Variants in GPRIN3 observed in about 807,000 individuals in gnomAD.
GPRIN3 encodes GPRIN family member 3.
GPRIN3 carries 12 observed loss-of-function variants against 13.7 expected under a neutral mutation model. The ratio of observed to expected loss-of-function variants is 0.87; its 90% confidence interval spans 0.56 to 1.42. The LOEUF (loss-of-function observed/expected upper bound fraction) is 1.42. GPRIN3 is among the 40% of genes most tolerant of loss of function. GPRIN3 has a pLI of 0.00. For synonymous variants in GPRIN3, 377 were observed against 372.7 expected, an observed-to-expected ratio of 1.01 and a Z score of -0.13; for missense variants, 1,009 against 958.7, an observed-to-expected ratio of 1.05 and a Z score of -0.69.
At chr4:89,276,094 C>T (rs973705844) in intron 1 of GPRIN3, among the ~76,000 whole-genome samples, 1 of 152,178 alleles carries the variant, frequency 6.6e-6, no homozygotes, top group Non-Finnish European at 1.5e-5. Context: ...GAGCCCAGAG[C>T]CCATCTTGTC....
At chr4:89,302,969 G>T (rs1229521358) in intron 1 of GPRIN3, among the ~76,000 whole-genome samples, 1 of 151,906 alleles carries the variant, frequency 6.6e-6, no homozygotes. Context: ...TTAAGGTATA[G>T]CTTCATTTAA....
At chr4:89,291,108 C>T (rs560599915) in intron 1 of GPRIN3, among the ~76,000 whole-genome samples, 1 of 152,238 alleles carries the variant, frequency 6.6e-6, no homozygotes, top group South Asian at 2.1e-4. Flanking sequence ...TTAACATCTC[C>T]TCCATAGCCT....
chr4:89,307,306 A>G (rs779912994), intron 1 of GPRIN3, among the ~76,000 whole-genome samples: 10 of 148,830 alleles, frequency 6.7e-5, no homozygotes, highest in Non-Finnish European at 1.0e-4. Flanking sequence ...CACCCCTCAT[A>G]TTCGGATATT....
chr4:89,292,523 C>T (rs576144706), intron 1 of GPRIN3, among the ~76,000 whole-genome samples: 1 of 152,168 alleles, frequency 6.6e-6, no homozygotes, highest in Admixed American at 6.5e-5. Context: ...ACAGAGGGGA[C>T]CTGATCTGTA....
At chr4:89,284,633 T>A (rs10020511) in intron 1 of GPRIN3, among the ~76,000 whole-genome samples, 2 of 152,164 alleles carry the variant, frequency 1.3e-5, no homozygotes, top group African/African-American at 4.8e-5. Flanking sequence ...CAGGTCTACC[T>A]TCCAAGTCCA....
Position 89,247,725 on chromosome 4 carries a change from A to G in GPRIN3, c.*55T>C. On this transcript the variant is annotated 3_prime_UTR_variant, in exon 2 of 2. Transcript: ENST00000609438. ...AAAAACTAAGCAAGCTTTGACATAG[A>G]GGGACGCATGTGAATACCGTAAATT... is the stretch of plus-strand genomic sequence containing the variant. 6 of 1,508,682 alleles carry G rather than the reference A, an allele frequency of 4.0e-6. No homozygotes were observed. The highest frequency in any genetic ancestry group is 2.3e-5 in the East Asian group (1 of 43,962). 93.5% of individuals were successfully genotyped at this position (1,508,682 alleles called of 1,614,324 possible). A position where few individuals can be genotyped will look rare whatever the true frequency, so the allele number is the denominator to read the frequency against.
intron 1 of GPRIN3, among the ~76,000 whole-genome samples, chr4:89,283,299 C>T (rs1724306402): frequency 6.6e-6 from 1 of 152,220 alleles, no homozygotes; most frequent in Non-Finnish European, 1.5e-5. Flanking sequence ...GGCTCAATTC[C>T]TGCCTTCAGA....
Position 89,238,805 on chromosome 4 carries a change from C to T in GPRIN3, c.*8975G>A, listed in dbSNP as rs895760287. ...TTCTGCACATTCATGGTTAAAAGAACGATTTCAATAGCAGTGGAAACAATA... is the reference window on the plus strand; with the variant it reads ...TTCTGCACATTCATGGTTAAAAGAATGATTTCAATAGCAGTGGAAACAATA... On this transcript the variant is annotated 3_prime_UTR_variant, in exon 2 of 2. Coordinates refer to ENST00000609438, the MANE Select transcript of GPRIN3 (RefSeq NM_198281.3). 7 of 151,906 alleles carry T rather than the reference C, an allele frequency of 4.6e-5. No homozygotes were observed. Among genetic ancestry groups the T allele is most frequent in the African/African-American group, 1.5e-4 (6 of 41,312 alleles). The allele number at this position is 151,906 out of a possible 1,614,324, so 9.4% of individuals were successfully genotyped here. A position where few individuals can be genotyped will look rare whatever the true frequency, so the allele number is the denominator to read the frequency against.
intron 1 of GPRIN3, among the ~76,000 whole-genome samples, chr4:89,302,762 G>A (rs1312375946): frequency 6.6e-6 from 1 of 152,062 alleles, no homozygotes; most frequent in African/African-American, 2.4e-5. Context: ...GACTCTAAAT[G>A]TTTTTGTTAT....
chr4:89,249,191 C>T lies in GPRIN3; in HGVS notation c.920G>A (p.Ser307Asn), dbSNP rs747478373. ...CCTGCTGGGAACTTCCTTGATTTCA[C>T]TTTCAGCTTGGTTGGTCATCGTACT... The part of the protein sequence containing the change: ...EASTMTNQAE[S>N]EIKEVPSRAW... Residue 307 changes from serine to asparagine, a missense_variant, in exon 2 of 2, where the codon AGT becomes AAT. Transcript: ENST00000609438. The T allele has an allele frequency of 6.2e-7, 1 of 1,614,200 alleles. No homozygotes were observed. Among genetic ancestry groups the T allele is most frequent in the Non-Finnish European group, 8.5e-7 (1 of 1,180,032 alleles).
chr4:89,264,626 C>T (rs556273577), intron 1 of GPRIN3, among the ~76,000 whole-genome samples: 1 of 152,106 alleles, frequency 6.6e-6, no homozygotes, highest in East Asian at 1.9e-4. Flanking sequence ...AGAATGGCAG[C>T]TGGAGCCAAG....
rs1234283419 is a variant in GPRIN3, at chr4:89,295,209, ACATTATG to A, written c.-124+12399_-124+12405del. On this transcript the variant is annotated intron_variant, in intron 1 of 1. Transcript: ENST00000609438. ...AGACCCCCCTTTTTTCCATTCTCAC[ACATTATG>A]CACTTATATTTACAGCAACACACAT... Among the ~76,000 whole-genome samples, 7 of 152,264 alleles carry A rather than the reference ACATTATG, an allele frequency of 4.6e-5. No homozygotes were observed. In the East Asian group the frequency reaches 1.4e-3, roughly 29 times the overall value.
In GPRIN3 at chr4:89,288,929, A is replaced by C. The variant is rs557148250; in HGVS notation, c.-124+18686T>G. Among the ~76,000 whole-genome samples the C allele has an allele frequency of 7.2e-5, 11 of 152,220 alleles. No homozygotes were observed. The East Asian group carries it at 2.1e-3, about 29-fold the overall frequency. The stretch of plus-strand genomic sequence containing the variant: ...TTAGTTTTTCAGTTTTAAGATCAAG[A>C]AACAGAATTTTATTCTTCATCTACC... On this transcript the variant is annotated intron_variant, in intron 1 of 1. Transcript: ENST00000609438.
Position 89,299,901 on chromosome 4 carries a change from A to G in GPRIN3, c.-124+7714T>C, listed in dbSNP as rs536891718. Among the ~76,000 whole-genome samples the G allele has an allele frequency of 4.6e-5, 7 of 152,308 alleles. No individual in the cohort carries two copies. In the South Asian group the frequency reaches 1.0e-3, roughly 23 times the overall value. On this transcript the variant is annotated intron_variant, in intron 1 of 1. Coordinates refer to ENST00000609438, the MANE Select transcript of GPRIN3 (RefSeq NM_198281.3). ...ATTTAAAAATACATAAAGCAATCCA[A>G]TGTGAGATCTCAGTCATTGGTCTTT... is the stretch of plus-strand genomic sequence containing the variant.
chr4:89,299,580 T>C (rs1373079143), intron 1 of GPRIN3, among the ~76,000 whole-genome samples: 1 of 152,078 alleles, frequency 6.6e-6, no homozygotes, highest in Non-Finnish European at 1.5e-5. Context: ...TTTTTAGCCA[T>C]AGTAACGGAG....
intron 1 of GPRIN3, among the ~76,000 whole-genome samples, chr4:89,289,102 C>T (rs1724501905): frequency 6.7e-6 from 1 of 149,484 alleles, no homozygotes; most frequent in Non-Finnish European, 1.5e-5. Flanking sequence ...ACTGAAAATT[C>T]TCTCCTTCAG....
chr4:89,303,353 GA>G (rs1268591213), intron 1 of GPRIN3, among the ~76,000 whole-genome samples: 2 of 152,036 alleles, frequency 1.3e-5, no homozygotes, highest in Admixed American at 6.6e-5. Flanking sequence ...TCTGAGAAAT[GA>G]AATAATCACG....
chr4:89,296,570 G>A (rs1480458889), intron 1 of GPRIN3, among the ~76,000 whole-genome samples: 4 of 152,038 alleles, frequency 2.6e-5, no homozygotes, highest in African/African-American at 7.2e-5. Context: ...CATCAATCAC[G>A]GAAACACTAG....
At chr4:89,261,955 T>TAC (rs544004575) in intron 1 of GPRIN3, among the ~76,000 whole-genome samples, 65 of 150,858 alleles carry the variant, frequency 4.3e-4, no homozygotes, top group South Asian at 1.5e-3. Context: ...CTACTAAAAA[T>TAC]ACACACACAC....
Sources: gnomAD v4.1 joint callset for allele counts (sites outside exome capture counted in the v4.1 genomes callset) on GRCh38, gnomAD v4.1.1 for gene constraint, MANE v1.5 for transcripts, NCBI Gene and HGNC (gene_info 2026-07-23, HGNC 2026-07-21) for gene names.